Variants in MECOM observed in about 807,000 individuals in gnomAD.
The protein encoded by MECOM is MDS1 and EVI1 complex locus.
Under a neutral mutation model 116.3 loss-of-function variants are expected in MECOM, and 13 were observed. The ratio of observed to expected loss-of-function variants is 0.11; its 90% CI spans 0.07 to 0.18. The LOEUF (loss-of-function observed/expected upper bound fraction) is 0.18. MECOM is among the 10% of genes least tolerant of loss of function. MECOM has a pLI of 1.00. For missense variants in MECOM, 1,299 were observed against 1,509.0 expected, an observed-to-expected ratio of 0.86 and a Z score of 2.31; for synonymous variants, 528 against 535.2, an observed-to-expected ratio of 0.99 and a Z score of 0.19.
At chr3:169,623,091 T>A (rs1418470659) in intron 1 of MECOM, among the ~76,000 whole-genome samples, 1 of 152,178 alleles carries the variant, frequency 6.6e-6, no homozygotes, top group East Asian at 1.9e-4. Context: ...CAATTCAGAT[T>A]AGATGTGAAG....
chr3:169,421,329 C>G (rs1403086452), intron 1 of MECOM, among the ~76,000 whole-genome samples: 3 of 152,104 alleles, frequency 2.0e-5, no homozygotes, highest in African/African-American at 7.2e-5. Flanking sequence ...TTAGCAGATT[C>G]AGGACACTGT....
At chr3:169,375,721 CAG>C (rs1356101279) in intron 2 of MECOM, among the ~76,000 whole-genome samples, 1 of 152,024 alleles carries the variant, frequency 6.6e-6, no homozygotes, top group African/African-American at 2.4e-5. Flanking sequence ...CAGGACCAGA[CAG>C]ATTCACAGGT....
intron 2 of MECOM, among the ~76,000 whole-genome samples, chr3:169,226,095 C>G (rs1752695713): frequency 6.6e-6 from 1 of 152,214 alleles, no homozygotes; most frequent in Admixed American, 6.5e-5. Context: ...ACGTCCCCAT[C>G]TTGCCTAACC....
At chr3:169,431,209 A>G (rs1741567526) in intron 1 of MECOM, among the ~76,000 whole-genome samples, 1 of 152,196 alleles carries the variant, frequency 6.6e-6, no homozygotes, top group Non-Finnish European at 1.5e-5. Flanking sequence ...AGACAAACCC[A>G]AAGTCATTAG....
At chr3:169,171,789 C>G (rs868482508) in intron 2 of MECOM, among the ~76,000 whole-genome samples, 2 of 152,030 alleles carry the variant, frequency 1.3e-5, no homozygotes. Flanking sequence ...CCTAGAAGAG[C>G]AAACTATTAA....
At chr3:169,092,481 A>G (rs564568533) in intron 14 of MECOM, among the ~76,000 whole-genome samples, 237 of 152,120 alleles carry the variant, frequency 1.6e-3, no homozygotes, top group African/African-American at 5.6e-3. Flanking sequence ...ATAGAATCAT[A>G]TATTACCTGT....
chr3:169,371,329 T>G (rs780590392), intron 2 of MECOM, among the ~76,000 whole-genome samples: 1 of 151,410 alleles, frequency 6.6e-6, no homozygotes, highest in African/African-American at 2.4e-5. Context: ...GAACAGAGAG[T>G]AGAATGGTTG....
At chr3:169,483,572 T>C (rs1261272282) in intron 1 of MECOM, 1 of 793,846 alleles carries the variant, frequency 1.3e-6, no homozygotes, top group South Asian at 2.0e-5. Flanking sequence ...TTTCCAATTT[T>C]CTGTTCAATC....
chr3:169,128,057 T>G lies in MECOM; in HGVS notation c.617A>C (p.Glu206Ala). 6.2e-7 allele frequency: 1 copy of G among 1,613,956 alleles called. No homozygotes were observed. Among genetic ancestry groups the G allele is most frequent in the East Asian group, 2.2e-5 (1 of 44,882 alleles). ...ACAGTCTTCGCAGCGATATTGCCGT[T>G]CTTCTGTGAAAACAATTCAGGTGTT... is the stretch of plus-strand genomic sequence containing the variant. ...HETMAPDIHE[E>A]RQYRCEDCDQ... The change falls in exon 5 of 17, where the codon GAA becomes GCA. Residue 206 changes from glutamate to alanine, a missense_variant. Physicochemically the swap from Glu to Ala is moderately radical, Grantham distance 107. Coordinates refer to ENST00000651503, the MANE Select transcript of MECOM (RefSeq NM_004991.4).
intron 2 of MECOM, among the ~76,000 whole-genome samples, chr3:169,335,781 A>G (rs145159966): frequency 1.3e-5 from 2 of 152,144 alleles, no homozygotes; most frequent in Admixed American, 1.3e-4. Context: ...AGTCAGTTTT[A>G]TGGGTAATTC....
intron 2 of MECOM, among the ~76,000 whole-genome samples, chr3:169,177,483 G>A (rs1306130962): frequency 3.3e-5 from 5 of 152,028 alleles, no homozygotes; most frequent in African/African-American, 7.2e-5. Context: ...TGGAGGGCGA[G>A]GGGAAGGAAC....
Position 169,349,692 on chromosome 3 carries a change from G to A in MECOM, c.375+31495C>T, listed in dbSNP as rs1206590948. On this transcript the variant is annotated intron_variant, in intron 2 of 16. Coordinates refer to ENST00000651503, the MANE Select transcript of MECOM (RefSeq NM_004991.4). ...CTTTCTAGATAAATTGTAATCGGCA[G>A]CATTTTACTAGCCCTGTCAGGTGGG... Among the ~76,000 whole-genome samples, 5 of 151,984 alleles carry A rather than the reference G, an allele frequency of 3.3e-5. No individual in the cohort carries two copies. The East Asian group carries it at 9.7e-4, about 30-fold the overall frequency.
At chr3:169,347,834 A>G (rs1198600930) in intron 2 of MECOM, among the ~76,000 whole-genome samples, 1 of 152,018 alleles carries the variant, frequency 6.6e-6, no homozygotes, top group African/African-American at 2.4e-5. Context: ...TAAACGCCCA[A>G]TAAATACGTG....
intron 2 of MECOM, among the ~76,000 whole-genome samples, chr3:169,171,816 C>T (rs12629466): frequency 0.15 from 22,802 of 151,782 alleles, 2,072 homozygotes; most frequent in East Asian, 0.41. Flanking sequence ...GATGAAGGGG[C>T]AGGGCAGGGG....
intron 1 of MECOM, among the ~76,000 whole-genome samples, chr3:169,384,186 T>C (rs1732922832): frequency 6.6e-6 from 1 of 152,226 alleles, no homozygotes; most frequent in African/African-American, 2.4e-5. Context: ...CAAACACTTG[T>C]TAAATATATA....
At chr3:169,192,764 G>T (rs1021699480) in intron 2 of MECOM, among the ~76,000 whole-genome samples, 1 of 151,940 alleles carries the variant, frequency 6.6e-6, no homozygotes, top group Non-Finnish European at 1.5e-5. Context: ...ATTGCAGTGC[G>T]ACCTGTGAAA....
chr3:169,179,387 A>C lies in MECOM; in HGVS notation c.376-35555T>G, dbSNP rs570852960. 4.9e-4 allele frequency among the ~76,000 whole-genome samples: 75 copies of C among 152,282 alleles called. 1 individual carries two copies. The highest frequency in any genetic ancestry group is 1.8e-3 in the African/African-American group (74 of 41,576). ...CAGTCAACAGGGAATAATTAAACTC[A>C]AGTTGTCTAAGATTTGCTGTGATGT... On this transcript the variant is annotated intron_variant, in intron 2 of 16. Transcript: ENST00000651503.
At chr3:169,149,022 G>A (rs1740642338) in intron 2 of MECOM, among the ~76,000 whole-genome samples, 1 of 151,168 alleles carries the variant, frequency 6.6e-6, no homozygotes, top group African/African-American at 2.4e-5. Flanking sequence ...AAGAGCTCCT[G>A]GTTCGTGGCC....
chr3:169,110,837 T>C (rs1274789290), intron 9 of MECOM, among the ~76,000 whole-genome samples: 2 of 152,086 alleles, frequency 1.3e-5, no homozygotes, highest in Non-Finnish European at 2.9e-5. Context: ...GACATTCTGG[T>C]GTAGGAGGGA....
Sources: allele counts gnomAD v4.1 joint callset (sites outside exome capture counted in the v4.1 genomes callset), GRCh38; gene constraint gnomAD v4.1.1; transcripts MANE v1.5; gene names NCBI Gene and HGNC (gene_info 2026-07-23, HGNC 2026-07-21).